The following HFM1 variants were observed in gnomAD, a reference collection of about 807,000 sequenced individuals.
HFM1 encodes helicase for meiosis 1, also known as probable ATP-dependent DNA helicase HFM1.
HFM1 carries 169 observed loss-of-function variants against 192.1 expected under a neutral mutation model. The observed-to-expected ratio is 0.88, with a 90% confidence interval of 0.78 to 1.00. HFM1 has a LOEUF of 1.00. Ranked by LOEUF, HFM1 falls within the 50% of genes least tolerant of loss-of-function variation. The pLI, the probability that HFM1 is intolerant of heterozygous loss-of-function variation, is 0.00. For missense variants in HFM1, 1,661 were observed against 1,668.0 expected (o/e 1.00, Z 0.07); for synonymous variants, 525 against 537.8 (o/e 0.98, Z 0.33).
At chr1:91,346,953 T>C (rs1174662177) in intron 19 of HFM1, among the ~76,000 whole-genome samples, 1 of 152,012 alleles carries the variant, frequency 6.6e-6, no homozygotes, top group Non-Finnish European at 1.5e-5. Flanking sequence ...TGAGAACCCC[T>C]TTCTAAAAAA....
At chr1:91,311,383 C>T (rs281986) in intron 30 of HFM1, among the ~76,000 whole-genome samples, 152,136 of 152,320 alleles carry the variant, frequency 1, 75,976 homozygotes, top group Non-Finnish European at 1. Flanking sequence ...CCCAGCACTT[C>T]GGGAGGCCGA....
At chr1:91,380,399 C>A (rs777201170) in intron 7 of HFM1, among the ~76,000 whole-genome samples, 163 bp from the exon 8 acceptor site, 1 of 152,078 alleles carries the variant, frequency 6.6e-6, no homozygotes, top group Non-Finnish European at 1.5e-5. Flanking sequence ...CCTCCACTCT[C>A]GAAAAATAAC....
chr1:91,381,998 G>A (rs1030065517), intron 6 of HFM1, among the ~76,000 whole-genome samples: 1 of 151,778 alleles, frequency 6.6e-6, no homozygotes, highest in Non-Finnish European at 1.5e-5. Context: ...CTCCCTCCCC[G>A]CATCAGCCCC....
intron 13 of HFM1, among the ~76,000 whole-genome samples, chr1:91,374,290 G>C (rs879436771): frequency 1.1e-3 from 171 of 152,274 alleles, no homozygotes; most frequent in Admixed American, 2.0e-3. Context: ...CTACACTAAG[G>C]ATTTAGCATT....
chr1:91,302,756 G>A (rs1234299765), intron 30 of HFM1, among the ~76,000 whole-genome samples: 1 of 125,412 alleles, frequency 8.0e-6, no homozygotes, highest in African/African-American at 3.0e-5. Context: ...CACAGGAAGT[G>A]GAACATCACA....
At chr1:91,273,565 G>A in intron 34 of HFM1, 147 bp downstream of exon 34, 1 of 532,726 alleles carries the variant, frequency 1.9e-6, no homozygotes, top group African/African-American at 1.9e-5. Flanking sequence ...CCAAGAATTT[G>A]AAAATGATTC....
intron 4 of HFM1, among the ~76,000 whole-genome samples, chr1:91,388,891 C>G (rs1662575499): frequency 6.6e-6 from 1 of 152,104 alleles, no homozygotes; most frequent in African/African-American, 2.4e-5. Context: ...GCAAATCATA[C>G]AGATGATAAG....
At position 91,375,658 on chromosome 1, in the gene HFM1, C is replaced by T; in HGVS notation, c.1465G>A (p.Val489Met). ...CCAAGGACCACTTTCTGAAGTTTCA[C>T]TGGTCTATGGCTCTCATCCATTTTC... ...CLKMDESHRP[V>M]KLQKVVLGFP... Residue 489 changes from valine to methionine, a missense_variant, in exon 12 of 39, where the codon GTG (valine) becomes ATG (methionine). By Grantham distance (21) the Val-to-Met change is conservative (BLOSUM62 1). Coordinates refer to ENST00000370425, the MANE Select transcript of HFM1 (RefSeq NM_001017975.6). 6.2e-7 allele frequency: 1 copy of T among 1,613,426 alleles called. No individual in the cohort carries two copies.
intron 13 of HFM1, among the ~76,000 whole-genome samples, chr1:91,371,231 G>GA (rs1332940572): frequency 2.0e-5 from 3 of 151,640 alleles, no homozygotes; most frequent in Admixed American, 1.3e-4. Context: ...CACAGAATTG[G>GA]AAAAAACTAC....
rs1662068376 is a variant in HFM1, at chr1:91,385,338, T to A, written c.755-104A>T. On this transcript the variant is annotated intron_variant, in intron 5 of 38. Coordinates refer to ENST00000370425, the MANE Select transcript of HFM1 (RefSeq NM_001017975.6). The stretch of plus-strand genomic sequence containing the variant: ...TTTTAACCTTTCCATAAAAACTGTT[T>A]CAATAAAACTAACACAACTTTTTAT... 3.7e-6 allele frequency: 3 copies of A among 806,988 alleles called. No homozygotes were observed. In the African/African-American group the frequency reaches 5.3e-5, roughly 14 times the overall value. The allele number at this position is 806,988 out of a possible 1,614,324, so 50.0% of individuals were successfully genotyped here.
intron 30 of HFM1, among the ~76,000 whole-genome samples, chr1:91,294,636 A>G (rs1647254177): frequency 6.6e-6 from 1 of 152,190 alleles, no homozygotes; most frequent in South Asian, 2.1e-4. Flanking sequence ...TATAAAGAAG[A>G]TCTATAGTCT....
intron 30 of HFM1, among the ~76,000 whole-genome samples, chr1:91,295,052 T>C (rs565163960): frequency 2.6e-4 from 39 of 152,280 alleles, no homozygotes; most frequent in African/African-American, 8.9e-4. Flanking sequence ...TTCACTTAAG[T>C]CCTTTTGATG....
At chr1:91,360,270 A>G (rs1658318129) in intron 13 of HFM1, among the ~76,000 whole-genome samples, 1 of 152,244 alleles carries the variant, frequency 6.6e-6, no homozygotes, top group Non-Finnish European at 1.5e-5. Context: ...ATAAAGAGCC[A>G]AGACCCACTG....
intron 30 of HFM1, among the ~76,000 whole-genome samples, chr1:91,297,765 G>C (rs1647893935): frequency 6.6e-6 from 1 of 152,124 alleles, no homozygotes; most frequent in Non-Finnish European, 1.5e-5. Context: ...AAACAGAAAG[G>C]ACATCCACAC....
At position 91,352,579 on chromosome 1, in the gene HFM1, T is replaced by C; in HGVS notation, c.1904A>G (p.Tyr635Cys). The C allele has an allele frequency of 6.2e-7, 1 of 1,609,638 alleles. No individual in the cohort carries two copies. The highest frequency in any genetic ancestry group is 8.5e-7 in the Non-Finnish European group (1 of 1,177,106). The change falls in exon 16 of 39, where the codon TAT becomes TGT. Residue 635 changes from tyrosine to cysteine, a missense_variant. Physicochemically the swap from Tyr to Cys is radical, Grantham distance 194. Coordinates refer to ENST00000370425, the MANE Select transcript of HFM1 (RefSeq NM_001017975.6). ...HLVVIKSTMH[Y>C]AGGLFEEYSE... Reference sequence around the variant, plus strand: ...GTACTCTTCAAACAGTCCTCCAGCATAATGCATTGTAGATTTTATAACTAC... The same window carrying C: ...GTACTCTTCAAACAGTCCTCCAGCACAATGCATTGTAGATTTTATAACTAC...
At chr1:91,364,292 A>G (rs282049) in intron 13 of HFM1, among the ~76,000 whole-genome samples, 115 of 152,176 alleles carry the variant, frequency 7.6e-4, no homozygotes, top group African/African-American at 2.6e-3. Flanking sequence ...TATAGACAAC[A>G]AATACAGGTG....
At chr1:91,302,956 T>A (rs896335493) in intron 30 of HFM1, among the ~76,000 whole-genome samples, 5 of 152,066 alleles carry the variant, frequency 3.3e-5, no homozygotes, top group African/African-American at 4.8e-5. Context: ...AAAATAAAAT[T>A]ATAATTTATC....
rs1312708396 is a variant in HFM1, at chr1:91,394,118, CTCCTT to C, written c.464_468del (p.Lys155ArgfsTer12). Reference sequence around the variant, plus strand: ...CTTTTCCGGAATACTGATGTGCTCTCTCCTTTATCTTCTGCAAAATTAACTAATTT... The same window carrying C: ...CTTTTCCGGAATACTGATGTGCTCTCTATCTTCTGCAAAATTAACTAATTT... On this transcript the variant is annotated frameshift_variant, in exon 4 of 39. Coordinates refer to ENST00000370425, the MANE Select transcript of HFM1 (RefSeq NM_001017975.6). LOFTEE classifies it high-confidence loss of function. 4 of 1,592,006 alleles carry C rather than the reference CTCCTT, an allele frequency of 2.5e-6. No individual in the cohort carries two copies. Among genetic ancestry groups the C allele is most frequent in the Middle Eastern group, 1.7e-4 (1 of 5,986 alleles).
rs2100923348 is a variant in HFM1 at position 91,290,522 on chromosome 1, C to T, written c.3392-13460G>A. Among the ~76,000 whole-genome samples, 2 of 152,214 alleles carry T rather than the reference C, an allele frequency of 1.3e-5. 1 individual carries two copies. The highest frequency in any genetic ancestry group is 4.2e-4 in the South Asian group (2 of 4,810). Reference sequence around the variant, plus strand: ...CTAACTATCCTAAATATATATGCACCCAACACAGGAGCACCCAGATTCATA... The same window carrying T: ...CTAACTATCCTAAATATATATGCACTCAACACAGGAGCACCCAGATTCATA... On this transcript the variant is annotated intron_variant, in intron 30 of 38. Coordinates refer to ENST00000370425, the MANE Select transcript of HFM1 (RefSeq NM_001017975.6).
Sources: gnomAD v4.1 joint callset for allele counts (sites outside exome capture counted in the v4.1 genomes callset) on GRCh38, gnomAD v4.1.1 for gene constraint, MANE v1.5 for transcripts, NCBI Gene and HGNC (gene_info 2026-07-23, HGNC 2026-07-21) for gene names.